Variants in CTNND2 observed in about 807,000 individuals in gnomAD.
CTNND2 encodes the protein catenin delta-2.
CTNND2 carries 22 observed loss-of-function variants against 144.4 expected under a neutral mutation model. That is an observed-to-expected ratio of 0.15 (90% CI 0.11 to 0.22). The LOEUF (loss-of-function observed/expected upper bound fraction) is 0.22, where lower values mean the gene tolerates loss of function less well. Among genes scored for constraint, CTNND2 ranks in the 10% least tolerant of loss-of-function variants. The pLI, the probability that CTNND2 is intolerant of heterozygous loss-of-function variation, is 1.00. For synonymous variants in CTNND2, 751 were observed against 695.6 expected, an observed-to-expected ratio of 1.08 and a Z score of -1.25; for missense variants, 1,353 against 1,618.8, an observed-to-expected ratio of 0.84 and a Z score of 2.82.
At chr5:11,458,620 G>C (rs1765935028) in intron 3 of CTNND2, among the ~76,000 whole-genome samples, 1 of 152,194 alleles carries the variant, frequency 6.6e-6, no homozygotes, top group Non-Finnish European at 1.5e-5. Context: ...TTCTGAATGA[G>C]ACCAGGAGAA....
chr5:11,057,139 A>T (rs2149589866), intron 16 of CTNND2, among the ~76,000 whole-genome samples: 1 of 152,346 alleles, frequency 6.6e-6, no homozygotes, highest in African/African-American at 2.4e-5. Flanking sequence ...AGCTATCTCA[A>T]GACCAACATT....
chr5:11,364,531 TTC>T, intron 8 of CTNND2, 163 bp downstream of exon 8: 1 of 529,502 alleles, frequency 1.9e-6, no homozygotes, highest in Non-Finnish European at 3.1e-6. Flanking sequence ...TAAAGTCATA[TTC>T]TGTTTCTACC....
intron 6 of CTNND2, among the ~76,000 whole-genome samples, chr5:11,395,844 A>G (rs1760063664): frequency 6.6e-6 from 1 of 152,274 alleles, no homozygotes; most frequent in African/African-American, 2.4e-5. Flanking sequence ...ATGTCACATA[A>G]ATGAACACAT....
chr5:11,094,206 C>A (rs1424384768), intron 15 of CTNND2, among the ~76,000 whole-genome samples: 1 of 152,138 alleles, frequency 6.6e-6, no homozygotes, highest in African/African-American at 2.4e-5. Context: ...TCCTAAGAGG[C>A]AAAATCCTAC....
chr5:11,384,924 G>T lies in CTNND2; in HGVS notation c.918C>A (p.Arg306=), dbSNP rs1758895336. Residue 306 remains arginine (R), a synonymous_variant, in exon 7 of 22, where the codon CGC becomes CGA. Coordinates refer to ENST00000304623, the MANE Select transcript of CTNND2 (RefSeq NM_001332.4). This position sits in a 1 kb window ranked among gnomAD's most constrained non-coding sequence, Gnocchi z 5.2. Reference sequence around the variant, plus strand: ...AGCTGGTGCTGTAGGACTTGGCCAGGCGGCTGGGCGACTGCTTGGGCGAGG... The same window carrying T: ...AGCTGGTGCTGTAGGACTTGGCCAGTCGGCTGGGCGACTGCTTGGGCGAGG... ...RGSSPKQSPS[R]LAKSYSTSSP... is the part of the protein sequence containing the mutation. The T allele has an allele frequency of 6.2e-7, 1 of 1,602,312 alleles. No individual in the cohort carries two copies. Among genetic ancestry groups the T allele is most frequent in the African/African-American group, 1.3e-5 (1 of 74,818 alleles).
chr5:11,228,100 G>C (rs536402748), intron 10 of CTNND2, among the ~76,000 whole-genome samples: 1 of 151,746 alleles, frequency 6.6e-6, no homozygotes, highest in Admixed American at 6.6e-5. Context: ...CCAGCTCTTT[G>C]GGAGGGCAAG....
At chr5:11,778,437 T>C (rs1420503581) in intron 1 of CTNND2, among the ~76,000 whole-genome samples, 1 of 152,168 alleles carries the variant, frequency 6.6e-6, no homozygotes, top group African/African-American at 2.4e-5. Flanking sequence ...GGTGACATTG[T>C]CAGCATCATC....
intron 9 of CTNND2, among the ~76,000 whole-genome samples, chr5:11,335,082 G>A (rs1051969814): frequency 6.6e-6 from 1 of 151,918 alleles, no homozygotes; most frequent in Non-Finnish European, 1.5e-5. Flanking sequence ...GTAGAATTAA[G>A]TGCCTGCTAA....
intron 1 of CTNND2, among the ~76,000 whole-genome samples, chr5:11,854,427 C>T (rs984823421): frequency 1.3e-5 from 2 of 152,168 alleles, no homozygotes; most frequent in East Asian, 3.9e-4. Flanking sequence ...GCCAAGCAGA[C>T]ACTTAAAATT....
At chr5:11,269,445 T>C (rs1467876394) in intron 9 of CTNND2, among the ~76,000 whole-genome samples, 1 of 152,212 alleles carries the variant, frequency 6.6e-6, no homozygotes, top group Non-Finnish European at 1.5e-5. Context: ...ATACAGTCTT[T>C]AAAAACAGCA....
intron 6 of CTNND2, among the ~76,000 whole-genome samples, chr5:11,391,219 G>A (rs61749825): frequency 0.024 from 3,611 of 151,718 alleles, 70 homozygotes; most frequent in Middle Eastern, 0.061. Context: ...ATTCAAAGAA[G>A]TCTGTTTCTA....
intron 1 of CTNND2, among the ~76,000 whole-genome samples, chr5:11,778,873 G>A (rs1458162886): frequency 2.0e-5 from 3 of 152,178 alleles, no homozygotes; most frequent in Non-Finnish European, 4.4e-5. Flanking sequence ...AGTCATATGG[G>A]AATTCTCTGT....
chr5:10,998,174 A>G (rs1327331523), intron 18 of CTNND2, among the ~76,000 whole-genome samples: 1 of 152,192 alleles, frequency 6.6e-6, no homozygotes, highest in African/African-American at 2.4e-5. Flanking sequence ...GCCTGGCAGA[A>G]GTGTGGTCCT....
chr5:11,732,367 G>T, intron 1 of CTNND2, 95 bp from the exon 2 acceptor site: 1 of 1,249,680 alleles, frequency 8.0e-7, no homozygotes, highest in Non-Finnish European at 1.1e-6. Context: ...AGAAAAAAAA[G>T]TAAAACTATA....
intron 3 of CTNND2, among the ~76,000 whole-genome samples, chr5:11,557,629 T>G (rs1327578649): frequency 6.6e-6 from 1 of 152,210 alleles, no homozygotes; most frequent in Non-Finnish European, 1.5e-5. Flanking sequence ...AAAGGACTTG[T>G]GTGATTAGGT....
chr5:11,883,685 G>A (rs189682267), intron 1 of CTNND2, among the ~76,000 whole-genome samples: 170 of 152,286 alleles, frequency 1.1e-3, no homozygotes, highest in Non-Finnish European at 1.9e-3. Context: ...CAATCCTTCG[G>A]TTATATACCC....
At chr5:11,751,939 T>C (rs1297672480) in intron 1 of CTNND2, among the ~76,000 whole-genome samples, 1 of 151,918 alleles carries the variant, frequency 6.6e-6, no homozygotes, top group African/African-American at 2.4e-5. Flanking sequence ...CTCTGTGGTT[T>C]TGATTTGCAT....
At chr5:11,639,569 C>G (rs1425759428) in intron 2 of CTNND2, among the ~76,000 whole-genome samples, 1 of 152,138 alleles carries the variant, frequency 6.6e-6, no homozygotes, top group African/African-American at 2.4e-5. Flanking sequence ...ATTAGTTCCA[C>G]TGTGTAGCAT....
At chr5:11,010,677 A>G (rs1362439471) in intron 18 of CTNND2, among the ~76,000 whole-genome samples, 4 of 152,224 alleles carry the variant, frequency 2.6e-5, no homozygotes, top group Non-Finnish European at 5.9e-5. Context: ...ATCTACAGGC[A>G]TTCCCTTACC....
Sources: gnomAD v4.1 joint callset for allele counts (sites outside exome capture counted in the v4.1 genomes callset) on GRCh38, gnomAD v4.1.1 for gene constraint, Gnocchi (gnomAD v3.1) non-coding constraint, MANE v1.5 for transcripts, NCBI Gene and HGNC (gene_info 2026-07-23, HGNC 2026-07-21) for gene names.